The following LRRTM4 variants were observed in gnomAD, a reference collection of about 807,000 sequenced individuals.
LRRTM4 encodes leucine rich repeat transmembrane neuronal 4, also known as leucine-rich repeat transmembrane neuronal protein 4.
LRRTM4 carries 25 observed loss-of-function variants against 47.6 expected under a neutral mutation model. The observed-to-expected ratio is 0.53, with a 90% CI of 0.38 to 0.73. The LOEUF (loss-of-function observed/expected upper bound fraction) is 0.73. Among genes scored for constraint, LRRTM4 ranks in the 30% least tolerant of loss-of-function variants. The pLI is 0.00. For synonymous variants in LRRTM4, 311 were observed against 269.5 expected (o/e 1.15, Z -1.51); for missense variants, 638 against 713.4 (o/e 0.89, Z 1.20).
chr2:76,784,739 G>C (rs746756797), intron 3 of LRRTM4, among the ~76,000 whole-genome samples: 39 of 151,976 alleles, frequency 2.6e-4, no homozygotes, highest in South Asian at 2.1e-4. Context: ...ATAAAATACC[G>C]TAACTGTGCT....
chr2:77,367,740 T>A (rs545214982), intron 3 of LRRTM4, among the ~76,000 whole-genome samples: 223 of 151,940 alleles, frequency 1.5e-3, no homozygotes, highest in African/African-American at 5.2e-3. Context: ...GGTAGGTCAA[T>A]TTGCTTTGTG....
intron 3 of LRRTM4, among the ~76,000 whole-genome samples, chr2:76,959,390 T>A (rs1256359248): frequency 6.6e-6 from 1 of 151,278 alleles, no homozygotes; most frequent in Middle Eastern, 3.4e-3. Context: ...GTATTAGAGG[T>A]GGGTGATAAG....
At chr2:77,070,918 A>G (rs1680134047) in intron 3 of LRRTM4, among the ~76,000 whole-genome samples, 1 of 152,134 alleles carries the variant, frequency 6.6e-6, no homozygotes, top group African/African-American at 2.4e-5. Context: ...GTGCCTGGCC[A>G]AAAGTATTTT....
chr2:76,778,746 G>C (rs1674177703), intron 3 of LRRTM4, among the ~76,000 whole-genome samples: 1 of 150,220 alleles, frequency 6.7e-6, no homozygotes, highest in Admixed American at 6.6e-5. Flanking sequence ...AGGGTTTTTT[G>C]TGTCTCTATT....
chr2:76,878,176 G>T (rs374163216), intron 3 of LRRTM4, among the ~76,000 whole-genome samples: 1 of 152,144 alleles, frequency 6.6e-6, no homozygotes, highest in African/African-American at 2.4e-5. Context: ...TGTTACTGTC[G>T]TAATTGTTTT....
At chr2:76,921,659 T>G (rs2103809369) in intron 3 of LRRTM4, among the ~76,000 whole-genome samples, 1 of 152,264 alleles carries the variant, frequency 6.6e-6, no homozygotes, top group South Asian at 2.1e-4. Context: ...CATTATTTTT[T>G]ATTTTGCTGC....
At chr2:77,095,716 G>T (rs1464109247) in intron 3 of LRRTM4, among the ~76,000 whole-genome samples, 2 of 151,768 alleles carry the variant, frequency 1.3e-5, no homozygotes, top group Admixed American at 1.3e-4. Flanking sequence ...TTCCATTTTG[G>T]CCAGGCTGGT....
At chr2:77,067,723 A>G (rs2103817772) in intron 3 of LRRTM4, among the ~76,000 whole-genome samples, 1 of 151,562 alleles carries the variant, frequency 6.6e-6, no homozygotes, top group East Asian at 1.9e-4. Flanking sequence ...ACACATACAT[A>G]TTTCAGGAAA....
chr2:76,900,129 A>G (rs1330007772), intron 3 of LRRTM4, among the ~76,000 whole-genome samples: 1 of 152,030 alleles, frequency 6.6e-6, no homozygotes, highest in East Asian at 1.9e-4. Flanking sequence ...GCTGCTTGGG[A>G]GGCTTGAGGT....
chr2:77,381,794 C>T (rs1363007116), intron 3 of LRRTM4, among the ~76,000 whole-genome samples: 1 of 151,958 alleles, frequency 6.6e-6, no homozygotes, highest in Non-Finnish European at 1.5e-5. Context: ...GCTACACATA[C>T]ACATTTTATG....
intron 3 of LRRTM4, among the ~76,000 whole-genome samples, chr2:77,093,936 A>G (rs891820592): frequency 6.6e-6 from 1 of 151,976 alleles, no homozygotes; most frequent in Non-Finnish European, 1.5e-5. Context: ...TGCCCGCCAG[A>G]GAACAAACCC....
intron 3 of LRRTM4, among the ~76,000 whole-genome samples, chr2:76,822,873 G>C (rs978911068): frequency 6.6e-6 from 1 of 151,200 alleles, no homozygotes; most frequent in African/African-American, 2.4e-5. Flanking sequence ...CAGTATTGTT[G>C]AACTCTTTCT....
At chr2:76,762,098 G>A (rs964966885) in intron 3 of LRRTM4, among the ~76,000 whole-genome samples, 2 of 152,070 alleles carry the variant, frequency 1.3e-5, no homozygotes, top group African/African-American at 2.4e-5. Flanking sequence ...AGATCACAGG[G>A]CTTATTTACT....
intron 3 of LRRTM4, among the ~76,000 whole-genome samples, chr2:77,024,080 G>C (rs529794045): frequency 1.3e-5 from 2 of 152,092 alleles, no homozygotes; most frequent in Non-Finnish European, 2.9e-5. Flanking sequence ...AGCAAAAAGG[G>C]AGACCCCTGA....
intron 3 of LRRTM4, among the ~76,000 whole-genome samples, chr2:77,177,341 A>G (rs1412544462): frequency 1.3e-5 from 2 of 152,176 alleles, no homozygotes; most frequent in African/African-American, 4.8e-5. Context: ...AATAGACAGT[A>G]GCAGATTATT....
intron 3 of LRRTM4, among the ~76,000 whole-genome samples, chr2:77,111,287 T>TTTC (rs976154348): frequency 5.1e-5 from 7 of 138,052 alleles, no homozygotes; most frequent in African/African-American, 2.2e-4. Context: ...CTGGCTATTT[T>TTTC]TTTTTTTTTT....
Position 77,412,860 on chromosome 2 carries a change from T to G in LRRTM4, c.1551+105458A>C, listed in dbSNP as rs138657330. On this transcript the variant is annotated intron_variant, in intron 3 of 3. Transcript: ENST00000409884. ...CTTAATTTAACTTTCTACCATCTAA[T>G]TTTTGTGACTCAGTTTTTTTAGTAG... 2.0e-5 allele frequency among the ~76,000 whole-genome samples: 3 copies of G among 152,324 alleles called. No individual in the cohort carries two copies. The East Asian group carries it at 5.8e-4, about 29-fold the overall frequency.
chr2:76,851,513 C>T (rs1391840438), intron 3 of LRRTM4, among the ~76,000 whole-genome samples: 1 of 152,024 alleles, frequency 6.6e-6, no homozygotes, highest in Non-Finnish European at 1.5e-5. Context: ...CTTACCGTTG[C>T]TGACAGATGC....
intron 3 of LRRTM4, among the ~76,000 whole-genome samples, chr2:77,134,234 T>C (rs1011225737): frequency 2.0e-5 from 3 of 152,140 alleles, no homozygotes; most frequent in Non-Finnish European, 4.4e-5. Context: ...GTCTTTCAAA[T>C]TGGCCAGATT....
Sources: allele counts gnomAD v4.1 joint callset (sites outside exome capture counted in the v4.1 genomes callset), GRCh38; gene constraint gnomAD v4.1.1; transcripts MANE v1.5; gene names NCBI Gene and HGNC (gene_info 2026-07-23, HGNC 2026-07-21).